PPP6R1: variants seen among roughly 807,000 people sequenced by gnomAD.
PPP6R1 encodes the protein serine/threonine-protein phosphatase 6 regulatory subunit 1.
In PPP6R1, 39 loss-of-function variants were observed where a neutral mutation model predicts 104.6. The observed-to-expected ratio is 0.37, with a 90% CI of 0.29 to 0.49. PPP6R1 has a LOEUF of 0.49. Ranked by LOEUF, PPP6R1 falls within the 20% of genes least tolerant of loss-of-function variation. The pLI, the probability that PPP6R1 is intolerant of heterozygous loss-of-function variation, is 0.98. For synonymous variants in PPP6R1, 549 were observed against 479.0 expected, an observed-to-expected ratio of 1.15 and a Z score of -1.91; for missense variants, 1,181 against 1,155.8, an observed-to-expected ratio of 1.02 and a Z score of -0.32.
In PPP6R1 at chr19:55,240,742, G is replaced by C. The variant is rs1020840880; in HGVS notation, c.1296+203C>G. 5.9e-5 allele frequency among the ~76,000 whole-genome samples: 9 copies of C among 152,286 alleles called. No homozygotes were observed. In the East Asian group the frequency reaches 9.7e-4, roughly 16 times the overall value. On this transcript the variant is annotated intron_variant, in intron 10 of 23. Transcript: ENST00000412770. ...GCCCACCCCTAGCTCTTCAGCTCAA[G>C]TCAGGAGCCCACTGCTCCCTGCACC...
intron 1 of PPP6R1, among the ~76,000 whole-genome samples, chr19:55,250,331 T>C (rs893589736): frequency 1.3e-5 from 2 of 152,226 alleles, no homozygotes; most frequent in Non-Finnish European, 2.9e-5. Flanking sequence ...TGGCGGGCAG[T>C]GAAGCTGGCA....
In PPP6R1 at chr19:55,241,797, C is replaced by T. The variant is rs2087460572; in HGVS notation, c.846-158G>A. On this transcript the variant is annotated intron_variant, in intron 7 of 23. Transcript: ENST00000412770. This position sits in a 1 kb window ranked among gnomAD's most constrained non-coding sequence, Gnocchi z 5.4. ...CTGAGGCCCTTCAGACAACACCTGG[C>T]TGGGGTGGGGAGCCCGCCAGGCGGC... Among the ~76,000 whole-genome samples the T allele has an allele frequency of 6.6e-6, 1 of 152,194 alleles. No homozygotes were observed. Among genetic ancestry groups the T allele is most frequent in the Admixed American group, 6.5e-5 (1 of 15,286 alleles).
chr19:55,250,431 C>T (rs1422062324), intron 1 of PPP6R1, among the ~76,000 whole-genome samples: 3 of 152,122 alleles, frequency 2.0e-5, no homozygotes, highest in Non-Finnish European at 4.4e-5. Context: ...GATGAATGAG[C>T]GAGTTCCCGC....
In PPP6R1 at chr19:55,245,621, G is replaced by A; in HGVS notation, c.285C>T (p.Ala95=). ...TCAGAAGGGACTCATCAGCACCCAGGGCATCATTGATCTGGGGCACATCTG... is the reference window on the plus strand; with the variant it reads ...TCAGAAGGGACTCATCAGCACCCAGAGCATCATTGATCTGGGGCACATCTG... ...LTSDVPQIND[A]LGADESLLNR... is the part of the protein sequence containing the mutation. Residue 95 remains alanine, a synonymous_variant, in exon 3 of 24, where the codon GCC becomes GCT. Coordinates refer to ENST00000412770, the MANE Select transcript of PPP6R1 (RefSeq NM_014931.4). The surrounding 1 kb of genome is among the most constrained non-coding windows in gnomAD (Gnocchi z 6.4). 1.2e-6 allele frequency: 2 copies of A among 1,611,610 alleles called. No homozygotes were observed. Among genetic ancestry groups the A allele is most frequent in the Non-Finnish European group, 1.7e-6 (2 of 1,179,784 alleles).
intron 1 of PPP6R1, 53 bp from the exon 2 acceptor site, chr19:55,247,162 C>A (rs754412789): frequency 1.3e-6 from 2 of 1,558,696 alleles, no homozygotes; most frequent in Non-Finnish European, 1.8e-6. Context: ...GGAGTCCCCA[C>A]TGGACGAGGC....
rs986976240 is a variant in PPP6R1 at position 55,254,142 on chromosome 19, T to C, written c.-7+4293A>G. On this transcript the variant is annotated intron_variant, in intron 1 of 23. Coordinates refer to ENST00000412770, the MANE Select transcript of PPP6R1 (RefSeq NM_014931.4). ...CCATTTGCCTAAGTGACTCAAGTAC[T>C]TTTCCTCAGACCATTCGGATACTAC... is the stretch of plus-strand genomic sequence containing the variant. Among the ~76,000 whole-genome samples the C allele has an allele frequency of 1.5e-4, 23 of 152,156 alleles. 1 individual carries two copies. The highest frequency in any genetic ancestry group is 7.4e-5 in the Non-Finnish European group (5 of 68,014).
chr19:55,236,696 C>G lies in PPP6R1; in HGVS notation c.1935G>C (p.Trp645Cys). The G allele has an allele frequency of 6.2e-7, 1 of 1,610,020 alleles. No individual in the cohort carries two copies. Among genetic ancestry groups the G allele is most frequent in the Non-Finnish European group, 8.5e-7 (1 of 1,178,098 alleles). ...CCCCCCTGGCCAGCTGGCTGCCCTG[C>G]CAGGCGCCATCTTCTCCATCAGACT... is the stretch of plus-strand genomic sequence containing the variant. Reference protein sequence around the residue: ...SGESDGEDGAWQGSQLARGAR... With the variant: ...SGESDGEDGACQGSQLARGAR... The change falls in exon 17 of 24, where the codon TGG (tryptophan) becomes TGC (cysteine). Residue 645 changes from tryptophan (W) to cysteine (C), a missense_variant. Trp to Cys is a radical substitution (Grantham distance 215, BLOSUM62 -2). Coordinates refer to ENST00000412770, the MANE Select transcript of PPP6R1 (RefSeq NM_014931.4).
chr19:55,242,045 G>T, intron 7 of PPP6R1, 121 bp downstream of exon 7: 2 of 903,850 alleles, frequency 2.2e-6, no homozygotes, highest in Non-Finnish European at 3.4e-6. Context: ...AGCACAGGCA[G>T]CCACAGAGCA....
At chr19:55,251,804 G>A (rs923523999) in intron 1 of PPP6R1, among the ~76,000 whole-genome samples, 2 of 152,176 alleles carry the variant, frequency 1.3e-5, no homozygotes, top group East Asian at 1.9e-4. Context: ...GGAAGCGGGA[G>A]GGGGAATGGA....
Position 55,240,971 on chromosome 19 carries a change from G to A in PPP6R1, c.1270C>T (p.Pro424Ser). 6.2e-7 allele frequency: 1 copy of A among 1,603,610 alleles called. No homozygotes were observed. The highest frequency in any genetic ancestry group is 8.5e-7 in the Non-Finnish European group (1 of 1,175,648). Residue 424 changes from proline (P) to serine (S), a missense_variant, in exon 10 of 24, where the codon CCC (proline) becomes TCC (serine). Physicochemically the swap from Pro to Ser is moderately conservative, Grantham distance 74. Around this residue, in one of 2 missense-constraint regions of PPP6R1, gnomAD observed 1,042 missense variants for 955.6 expected, o/e 1.09. Transcript: ENST00000412770. ...TGTTTCACAACAGGGTTTTGGATGGGCGTCTCAGGGCTGCTGTCAGGAGGT... is the reference window on the plus strand; with the variant it reads ...TGTTTCACAACAGGGTTTTGGATGGACGTCTCAGGGCTGCTGTCAGGAGGT... Reference protein sequence around the residue: ...GPPPDSSPETPIQNPVVKHLL... With the variant: ...GPPPDSSPETSIQNPVVKHLL...
chr19:55,230,420 T>C lies in PPP6R1; in HGVS notation c.*108A>G. On this transcript the variant is annotated 3_prime_UTR_variant, in exon 24 of 24. Coordinates refer to ENST00000412770, the MANE Select transcript of PPP6R1 (RefSeq NM_014931.4). ...GGGTCCAGAGGAGAGAATGTGGGGG[T>C]GTCAGGGTGATGAGGGCAATGGGGG... 1 of 1,495,228 alleles carries C rather than the reference T, an allele frequency of 6.7e-7. No homozygotes were observed. Among genetic ancestry groups the C allele is most frequent in the Non-Finnish European group, 9.2e-7 (1 of 1,091,392 alleles). The allele number at this position is 1,495,228 out of a possible 1,614,324, so 92.6% of individuals were successfully genotyped here.
chr19:55,230,763 C>G lies in PPP6R1; in HGVS notation c.2570+11G>C, dbSNP rs762590289. On this transcript the variant is annotated intron_variant, in intron 22 of 23. Transcript: ENST00000412770. ...ACCCCCACCCCCCCGCCCTGCTGCCCTGGTGCTCACCTCTGGCTTTGGGGA... is the reference window on the plus strand; with the variant it reads ...ACCCCCACCCCCCCGCCCTGCTGCCGTGGTGCTCACCTCTGGCTTTGGGGA... 7 of 1,534,274 alleles carry G rather than the reference C, an allele frequency of 4.6e-6. No individual in the cohort carries two copies. In the East Asian group the frequency reaches 1.4e-4, roughly 30 times the overall value.
In PPP6R1 at chr19:55,230,831, G is replaced by A. The variant is rs372998576; in HGVS notation, c.2513C>T (p.Pro838Leu). The change falls in exon 22 of 24, where the codon CCC becomes CTC. Residue 838 changes from proline (P) to leucine (L), a missense_variant. By Grantham distance (98) the Pro-to-Leu change is moderately conservative. Coordinates refer to ENST00000412770, the MANE Select transcript of PPP6R1 (RefSeq NM_014931.4). ...SVPASGAHQP[P>L]QTTEGEKSPE... ...GCTCTTCTCCCCTTCTGTGGTCTGG[G>A]GGGGCTGGTGGGCCCCGGAGGCTGG... 15 of 1,606,614 alleles carry A rather than the reference G, an allele frequency of 9.3e-6. No homozygotes were observed. Among genetic ancestry groups the A allele is most frequent in the African/African-American group, 6.7e-5 (5 of 74,974 alleles).
At chr19:55,239,145 CAGA>C (rs2087425301) in intron 15 of PPP6R1, 7 of 495,544 alleles carry the variant, frequency 1.4e-5, no homozygotes, top group South Asian at 2.1e-5. Flanking sequence ...GTCCCCAGCA[CAGA>C]AGATGTTTGT....
chr19:55,248,028 G>A (rs895449984), intron 1 of PPP6R1, among the ~76,000 whole-genome samples: 6 of 152,164 alleles, frequency 3.9e-5, no homozygotes. Context: ...CTCGTGCATG[G>A]GAACTCACTG....
Position 55,241,193 on chromosome 19 carries a change from T to TC in PPP6R1, c.1161+45dup. ...CCCCCGAACCCTCAGCCCAGTCCAG[T>TC]CCCCGCCCCAGCCCCTGAACCCCCA... On this transcript the variant is annotated intron_variant, in intron 9 of 23. Coordinates refer to ENST00000412770, the MANE Select transcript of PPP6R1 (RefSeq NM_014931.4). This position sits in a 1 kb window ranked among gnomAD's most constrained non-coding sequence, Gnocchi z 5.4. The TC allele has an allele frequency of 8.1e-7, 1 of 1,241,940 alleles. No homozygotes were observed. Among genetic ancestry groups the TC allele is most frequent in the South Asian group, 1.4e-5 (1 of 70,764 alleles). 76.9% of individuals were successfully genotyped at this position (1,241,940 alleles called of 1,614,324 possible).
At chr19:55,242,555 G>A (rs2087468503) in intron 5 of PPP6R1, 67 bp from the exon 6 acceptor site, 3 of 1,371,404 alleles carry the variant, frequency 2.2e-6, no homozygotes, top group Non-Finnish European at 2.1e-6. Flanking sequence ...CTGGTGCTGG[G>A]AGCCCCTCCC....
intron 21 of PPP6R1, 65 bp downstream of exon 21, chr19:55,231,345 G>C: frequency 1.3e-6 from 2 of 1,493,294 alleles, no homozygotes; most frequent in South Asian, 1.2e-5. Flanking sequence ...TGAACCCAGA[G>C]CCCACCTCAG....
chr19:55,240,920 G>A (rs757021171), intron 10 of PPP6R1, 25 bp downstream of exon 10: 2 of 1,600,392 alleles, frequency 1.2e-6, no homozygotes, highest in Admixed American at 1.7e-5. Context: ...CCCAGAAGGA[G>A]GGGGACCAGG....
Sources: allele counts gnomAD v4.1 joint callset (sites outside exome capture counted in the v4.1 genomes callset), GRCh38; gene constraint gnomAD v4.1.1; regional missense constraint gnomAD v4.1.1; non-coding constraint Gnocchi (gnomAD v3.1); transcripts MANE v1.5; gene names NCBI Gene and HGNC (gene_info 2026-07-23, HGNC 2026-07-21).